The following HACE1 variants were observed in gnomAD, a reference collection of about 807,000 sequenced individuals.
HACE1 encodes the protein HECT domain and ankyrin repeat containing E3 ubiquitin protein ligase 1.
HACE1 carries 73 observed loss-of-function variants against 118.4 expected under a neutral mutation model. That is an observed-to-expected ratio of 0.62 (90% CI 0.51 to 0.75). The LOEUF (loss-of-function observed/expected upper bound fraction) is 0.75, where lower values mean the gene tolerates loss of function less well. Among genes scored for constraint, HACE1 ranks in the 30% least tolerant of loss-of-function variants. HACE1 has a pLI of 0.00. For synonymous variants in HACE1, 368 were observed against 374.8 expected, an observed-to-expected ratio of 0.98 and a Z score of 0.21; for missense variants, 749 against 1,102.2, an observed-to-expected ratio of 0.68 and a Z score of 4.54.
At chr6:104,777,419 T>C (rs1260765980) in intron 14 of HACE1, 102 bp from the exon 15 acceptor site, 2 of 759,078 alleles carry the variant, frequency 2.6e-6, no homozygotes, top group Non-Finnish European at 4.8e-6. Flanking sequence ...TAATCATTCT[T>C]AGATCTTTAT....
chr6:104,856,308 T>A (rs1776710576), intron 1 of HACE1, among the ~76,000 whole-genome samples: 1 of 152,222 alleles, frequency 6.6e-6, no homozygotes, highest in Non-Finnish European at 1.5e-5. Context: ...GTAATTTTTT[T>A]AAACACAATT....
At chr6:104,813,183 T>C (rs1170707510) in intron 6 of HACE1, among the ~76,000 whole-genome samples, 1 of 137,592 alleles carries the variant, frequency 7.3e-6, no homozygotes, top group Non-Finnish European at 1.6e-5. Context: ...CATTAGAAAG[T>C]CCCCAGTGAA....
At chr6:104,764,780 A>G (rs1779789066) in intron 19 of HACE1, among the ~76,000 whole-genome samples, 1 of 152,186 alleles carries the variant, frequency 6.6e-6, no homozygotes, top group Admixed American at 6.5e-5. Context: ...CTCTGAAGGT[A>G]TATTTTTTTG....
chr6:104,793,245 C>T (rs1045100142), intron 10 of HACE1, among the ~76,000 whole-genome samples: 6 of 133,900 alleles, frequency 4.5e-5, no homozygotes, highest in African/African-American at 1.2e-4. Flanking sequence ...CCAGCCTGGG[C>T]GATAGAGCGA....
chr6:104,842,682 T>C (rs1775234237), intron 5 of HACE1, among the ~76,000 whole-genome samples: 1 of 152,108 alleles, frequency 6.6e-6, no homozygotes, highest in Admixed American at 6.6e-5. Context: ...TGACAAAGGC[T>C]AGGGGAATAA....
At chr6:104,782,277 C>T (rs1781820512) in intron 14 of HACE1, 2 of 152,378 alleles carry the variant, frequency 1.3e-5, no homozygotes, top group Non-Finnish European at 2.9e-5. Flanking sequence ...CACTTGAGCT[C>T]AGGAGTTCAA....
intron 6 of HACE1, among the ~76,000 whole-genome samples, chr6:104,820,280 G>A (rs774619642): frequency 6.6e-6 from 1 of 151,638 alleles, no homozygotes; most frequent in Non-Finnish European, 1.5e-5. Context: ...CTTAGGCACA[G>A]GCAAAGATTT....
intron 7 of HACE1, among the ~76,000 whole-genome samples, chr6:104,797,347 C>CT (rs2114878789): frequency 6.6e-6 from 1 of 151,022 alleles, no homozygotes; most frequent in African/African-American, 2.4e-5. Context: ...CCTAATCCCT[C>CT]TCTCCACCTT....
chr6:104,811,247 C>CATATATATATATATATATATAT (rs3995559), intron 7 of HACE1, 64 bp downstream of exon 7: 8 of 208,478 alleles, frequency 3.8e-5, no homozygotes, highest in Non-Finnish European at 6.2e-5. Context: ...TTTATTTATA[C>CATATATATATATATATATATAT]ATATATATAT....
chr6:104,796,524 A>G (rs1769652535), intron 9 of HACE1, 131 bp downstream of exon 9: 2 of 695,104 alleles, frequency 2.9e-6, no homozygotes, highest in Non-Finnish European at 5.2e-6. Context: ...CCTATAATGC[A>G]GATAAGCTAA....
At chr6:104,747,703 T>G (rs572577157) in intron 20 of HACE1, among the ~76,000 whole-genome samples, 1 of 152,244 alleles carries the variant, frequency 6.6e-6, no homozygotes, top group South Asian at 2.1e-4. Flanking sequence ...TTTGGCCTAG[T>G]TTTCTCATCT....
At chr6:104,853,813 G>T (rs571668874) in intron 1 of HACE1, among the ~76,000 whole-genome samples, 3 of 152,158 alleles carry the variant, frequency 2.0e-5, no homozygotes, top group East Asian at 1.9e-4. Context: ...CCACTTATCC[G>T]CAGGGGATAC....
chr6:104,797,852 TG>T (rs1320956354), intron 7 of HACE1, among the ~76,000 whole-genome samples: 2 of 152,100 alleles, frequency 1.3e-5, no homozygotes, highest in Non-Finnish European at 2.9e-5. Context: ...GTGGATCACC[TG>T]AGGTCAGGAG....
At position 104,772,078 on chromosome 6, in the gene HACE1, T is replaced by A; in HGVS notation, c.1865-4A>T. The A allele has an allele frequency of 6.8e-7, 1 of 1,476,218 alleles. No homozygotes were observed. The highest frequency in any genetic ancestry group is 1.4e-5 in the African/African-American group (1 of 72,194). The allele number at this position is 1,476,218 out of a possible 1,614,324, so 91.4% of individuals were successfully genotyped here. A position where few individuals can be genotyped will look rare whatever the true frequency, so the allele number is the denominator to read the frequency against. On this transcript the variant is annotated splice_polypyrimidine_tract_variant and splice_region_variant and intron_variant, in intron 17 of 23. Coordinates refer to ENST00000262903, the MANE Select transcript of HACE1 (RefSeq NM_020771.4). ...CTATTAGGCTGAAAAGTTGTTCCTATTGAAATAAATACAAAATAATATATT... is the reference window on the plus strand; with the variant it reads ...CTATTAGGCTGAAAAGTTGTTCCTAATGAAATAAATACAAAATAATATATT...
chr6:104,734,202 T>C (rs1380828390), intron 22 of HACE1, among the ~76,000 whole-genome samples: 1 of 145,924 alleles, frequency 6.9e-6, no homozygotes, highest in Non-Finnish European at 1.5e-5. Context: ...AATGAAACAG[T>C]AAAACATTTA....
chr6:104,833,044 T>C lies in HACE1; in HGVS notation c.532A>G (p.Thr178Ala). Residue 178 changes from threonine to alanine, a missense_variant and splice_region_variant, in exon 6 of 24, where the codon ACG becomes GCG. By Grantham distance (58) the Thr-to-Ala change is moderately conservative (BLOSUM62 0). Coordinates refer to ENST00000262903, the MANE Select transcript of HACE1 (RefSeq NM_020771.4). ...LHVACQNGHK[T>A]TVQCLLDSGA... ...AAAGTCCTCATGGCTCAACTTACCG[T>C]CTTGTGACCGTTCTGGCAGGCAACA... 1 of 1,613,388 alleles carries C rather than the reference T, an allele frequency of 6.2e-7. No individual in the cohort carries two copies. The highest frequency in any genetic ancestry group is 8.5e-7 in the Non-Finnish European group (1 of 1,179,304).
At chr6:104,820,420 G>T (rs996552880) in intron 6 of HACE1, among the ~76,000 whole-genome samples, 5 of 152,038 alleles carry the variant, frequency 3.3e-5, no homozygotes, top group African/African-American at 4.8e-5. Context: ...CAGAACAAGA[G>T]AAAATTTTTG....
intron 17 of HACE1, 118 bp from the exon 18 acceptor site, chr6:104,772,192 T>A (rs1290345012): frequency 1.6e-6 from 1 of 624,716 alleles, no homozygotes; most frequent in African/African-American, 1.9e-5. Flanking sequence ...TTACATTATG[T>A]ATAAACTTCC....
Position 104,769,054 on chromosome 6 carries a change from T to C in HACE1, c.2211+2139A>G, listed in dbSNP as rs79373510. Among the ~76,000 whole-genome samples the C allele has an allele frequency of 6.7e-3, 1,013 of 152,142 alleles. 10 individuals carry two copies. Among genetic ancestry groups the C allele is most frequent in the African/African-American group, 0.023 (968 of 41,524 alleles). On this transcript the variant is annotated intron_variant, in intron 19 of 23. Coordinates refer to ENST00000262903, the MANE Select transcript of HACE1 (RefSeq NM_020771.4). ...TACACATTTTTTTTTCTTTTTTAAGTGATAGGATCTTGCTCTGTCACTCAG... is the reference window on the plus strand; with the variant it reads ...TACACATTTTTTTTTCTTTTTTAAGCGATAGGATCTTGCTCTGTCACTCAG...
Sources: allele counts gnomAD v4.1 joint callset (sites outside exome capture counted in the v4.1 genomes callset), GRCh38; gene constraint gnomAD v4.1.1; transcripts MANE v1.5; gene names NCBI Gene and HGNC (gene_info 2026-07-23, HGNC 2026-07-21).